PUS10: variants seen among roughly 807,000 people sequenced by gnomAD.
PUS10 encodes the protein tRNA pseudouridine synthase Pus10.
PUS10 carries 59 observed loss-of-function variants against 75.0 expected under a neutral mutation model. The observed-to-expected ratio is 0.79, with a 90% CI of 0.64 to 0.98. The LOEUF (loss-of-function observed/expected upper bound fraction) is 0.98. Among genes scored for constraint, PUS10 ranks in the 50% least tolerant of loss-of-function variants. PUS10 has a pLI of 0.00. For missense variants in PUS10, 650 were observed against 614.4 expected (o/e 1.06, Z -0.61); for synonymous variants, 219 against 211.6 (o/e 1.03, Z -0.30).
intron 4 of PUS10, among the ~76,000 whole-genome samples, chr2:60,986,242 C>T (rs1336256158): frequency 6.6e-6 from 1 of 152,192 alleles, no homozygotes; most frequent in African/African-American, 2.4e-5. Context: ...TAAAAGATAA[C>T]TCCAAGGATT....
Position 60,954,067 on chromosome 2 carries a change from C to G in PUS10, c.1134+15G>C, listed in dbSNP as rs529265337. On this transcript the variant is annotated intron_variant, in intron 13 of 17. Coordinates refer to ENST00000316752, the MANE Select transcript of PUS10 (RefSeq NM_144709.4). ...TGCAGAAACATGACGATTTCCATGGCATGAAGTGGTTTACCTGCTGAAGTT... is the reference window on the plus strand; with the variant it reads ...TGCAGAAACATGACGATTTCCATGGGATGAAGTGGTTTACCTGCTGAAGTT... The G allele has an allele frequency of 3.1e-6, 5 of 1,613,222 alleles. No individual in the cohort carries two copies. In the East Asian group the frequency reaches 1.1e-4, roughly 36 times the overall value.
At chr2:61,017,944 CT>C in intron 1 of PUS10, 63 bp downstream of exon 1, 1 of 1,394,040 alleles carries the variant, frequency 7.2e-7, no homozygotes, top group Non-Finnish European at 9.9e-7. Context: ...GAGGTATTCC[CT>C]TCCCCCCTTT....
chr2:60,948,083 C>T lies in PUS10; in HGVS notation c.1411G>A (p.Glu471Lys), dbSNP rs925807613. 3 of 1,613,994 alleles carry T rather than the reference C, an allele frequency of 1.9e-6. No homozygotes were observed. Among genetic ancestry groups the T allele is most frequent in the Middle Eastern group, 1.6e-4 (1 of 6,084 alleles). The change falls in exon 16 of 18, where the codon GAG (glutamate) becomes AAG (lysine). Residue 471 changes from glutamate (E) to lysine (K), a missense_variant. Physicochemically the swap from Glu to Lys is moderately conservative, Grantham distance 56. Coordinates refer to ENST00000316752, the MANE Select transcript of PUS10 (RefSeq NM_144709.4). ...TTCAAGTGGAGGCGGAAGTGGTGCT[C>T]ATCCACGTACTGTGTCTCCATGAAG... is the stretch of plus-strand genomic sequence containing the variant. The part of the protein sequence containing the change: ...IHFMETQYVD[E>K]HHFRLHLKTQ...
intron 16 of PUS10, among the ~76,000 whole-genome samples, chr2:60,946,337 T>C (rs1021287160): frequency 2.0e-5 from 3 of 152,226 alleles, no homozygotes; most frequent in African/African-American, 7.2e-5. Context: ...AAAATTAATA[T>C]ACTTCTGTGT....
chr2:61,015,642 A>C (rs1346967760), intron 1 of PUS10, among the ~76,000 whole-genome samples: 1 of 152,154 alleles, frequency 6.6e-6, no homozygotes, highest in Non-Finnish European at 1.5e-5. Context: ...GAGGTTGCAG[A>C]GAGCCAAAAT....
At chr2:60,995,428 T>C (rs1465357312) in intron 4 of PUS10, among the ~76,000 whole-genome samples, 1 of 152,214 alleles carries the variant, frequency 6.6e-6, no homozygotes, top group Non-Finnish European at 1.5e-5. Flanking sequence ...GTTATTATTA[T>C]GAATAATTTT....
In PUS10 at chr2:60,989,160, T is replaced by TTAAGCAGCACCAAGGAATTCTGGAAA. The variant is rs540107493; in HGVS notation, c.468+17371_468+17396dup. Among the ~76,000 whole-genome samples, 183 of 151,788 alleles carry TTAAGCAGCACCAAGGAATTCTGGAAA rather than the reference T, an allele frequency of 1.2e-3. 1 individual carries two copies. The highest frequency in any genetic ancestry group is 4.2e-3 in the African/African-American group (173 of 41,354). On this transcript the variant is annotated intron_variant, in intron 4 of 17. Transcript: ENST00000316752. ...GAATACTCCACAATAAAAACAGGAG[T>TTAAGCAGCACCAAGGAATTCTGGAAA]TAAGCAGCACCAAGGAATTCTGGAA... is the stretch of plus-strand genomic sequence containing the variant.
chr2:60,966,088 G>C (rs1172029924), intron 6 of PUS10: 1 of 151,884 alleles, frequency 6.6e-6, no homozygotes, highest in East Asian at 1.9e-4. Flanking sequence ...GCATTTTTGT[G>C]AATATAAATG....
intron 7 of PUS10, 132 bp downstream of exon 7, chr2:60,965,291 G>A (rs1157717449): frequency 4.0e-5 from 40 of 988,862 alleles, no homozygotes; most frequent in Non-Finnish European, 5.7e-5. Flanking sequence ...TTTTTTGAGG[G>A]CACATTTTAA....
At chr2:60,976,721 C>T (rs1677052320) in intron 4 of PUS10, among the ~76,000 whole-genome samples, 1 of 152,332 alleles carries the variant, frequency 6.6e-6, no homozygotes, top group East Asian at 1.9e-4. Context: ...GGCTGAATCT[C>T]AAATAAGTCA....
rs902716401 is a variant in PUS10 at position 60,962,964 on chromosome 2, C to T, written c.724-74G>A. 9 of 1,468,748 alleles carry T rather than the reference C, an allele frequency of 6.1e-6. 1 individual carries two copies. The African/African-American group carries it at 1.0e-4, about 17-fold the overall frequency. The allele number at this position is 1,468,748 out of a possible 1,614,324, so 91.0% of individuals were successfully genotyped here. A position where few individuals can be genotyped will look rare whatever the true frequency, so the allele number is the denominator to read the frequency against. ...AAAACATCAGACGTGAAACACAGAA[C>T]ATGGCTGGAGAAATTGTATCATTTC... On this transcript the variant is annotated intron_variant, in intron 8 of 17. Transcript: ENST00000316752.
intron 4 of PUS10, among the ~76,000 whole-genome samples, chr2:60,974,210 C>T (rs1676879450): frequency 7.4e-6 from 1 of 135,106 alleles, no homozygotes; most frequent in Non-Finnish European, 1.5e-5. Context: ...TGATAAAGCT[C>T]CTTTTTTTTT....
Position 60,967,596 on chromosome 2 carries a change from A to T in PUS10, c.521T>A (p.Leu174Gln). ...TAGCTGAACTATATCATCTCTTCCC[A>T]GCGACAGACTCTGCTTTCTGAATAA... is the stretch of plus-strand genomic sequence containing the variant. ...KQEMGKQSLS[L>Q]GRDDIVQLKE... Residue 174 changes from leucine to glutamine, a missense_variant, in exon 6 of 18, where the codon CTG becomes CAG. Physicochemically the swap from Leu to Gln is moderately radical, Grantham distance 113. Coordinates refer to ENST00000316752, the MANE Select transcript of PUS10 (RefSeq NM_144709.4). 6.2e-7 allele frequency: 1 copy of T among 1,602,696 alleles called. No homozygotes were observed.
At chr2:60,944,983 G>A (rs762699611) in intron 17 of PUS10, 26 bp downstream of exon 17, 16 of 1,538,286 alleles carry the variant, frequency 1.0e-5, no homozygotes, top group Non-Finnish European at 1.4e-5. Context: ...ATTTGCCAAT[G>A]TGCATTCCAC....
At chr2:61,014,148 C>T (rs1041366886) in intron 1 of PUS10, among the ~76,000 whole-genome samples, 1 of 152,036 alleles carries the variant, frequency 6.6e-6, no homozygotes, top group Non-Finnish European at 1.5e-5. Context: ...CCGAGGCGGG[C>T]GGATCACCTG....
At chr2:60,969,717 T>G (rs1239258615) in intron 5 of PUS10, among the ~76,000 whole-genome samples, 1 of 152,252 alleles carries the variant, frequency 6.6e-6, no homozygotes, top group African/African-American at 2.4e-5. Flanking sequence ...CAATGACCTG[T>G]GTTTTTTTCT....
intron 1 of PUS10, among the ~76,000 whole-genome samples, chr2:61,013,372 G>A (rs1437956476): frequency 6.6e-6 from 1 of 152,168 alleles, no homozygotes; most frequent in African/African-American, 2.4e-5. Context: ...CAGAAGGAAG[G>A]AATGCATGCT....
At chr2:60,956,907 T>G (rs1002930513) in intron 11 of PUS10, among the ~76,000 whole-genome samples, 11 of 130,178 alleles carry the variant, frequency 8.4e-5, no homozygotes, top group African/African-American at 3.4e-4. Context: ...CCTGGGAGGC[T>G]GAGCTTGCAG....
chr2:60,951,576 C>T lies in PUS10; in HGVS notation c.1308+1421G>A, dbSNP rs529048582. ...CGCACGTGTCATTTCCACGAGGGTT[C>T]GTGCTTTTATAAGAATCTAATGCCA... On this transcript the variant is annotated intron_variant, in intron 15 of 17. Transcript: ENST00000316752. Among the ~76,000 whole-genome samples the T allele has an allele frequency of 3.9e-5, 6 of 152,174 alleles. No individual in the cohort carries two copies. The South Asian group carries it at 1.0e-3, about 26-fold the overall frequency.
Sources: gnomAD v4.1 joint callset for allele counts (sites outside exome capture counted in the v4.1 genomes callset) on GRCh38, gnomAD v4.1.1 for gene constraint, MANE v1.5 for transcripts, NCBI Gene and HGNC (gene_info 2026-07-23, HGNC 2026-07-21) for gene names.